The following GSAP variants were observed in gnomAD, a reference collection of about 807,000 sequenced individuals.
The protein encoded by GSAP is gamma-secretase activating protein.
In GSAP, 118 loss-of-function variants were observed where a neutral mutation model predicts 131.7. The observed-to-expected ratio is 0.90, with a 90% CI of 0.77 to 1.04. GSAP has a LOEUF of 1.04. Among genes scored for constraint, GSAP ranks in the 50% least tolerant of loss-of-function variants. The probability of loss-of-function intolerance (pLI) is 0.00; values close to 1 mark genes in which losing one functional copy is unlikely to be tolerated. For synonymous variants in GSAP, 381 were observed against 363.4 expected, an observed-to-expected ratio of 1.05 and a Z score of -0.55; for missense variants, 1,019 against 1,013.2, an observed-to-expected ratio of 1.01 and a Z score of -0.08.
At position 77,348,596 on chromosome 7, in the gene GSAP, G is replaced by A. The variant is rs146189057; in HGVS notation, c.1545+755C>T. On this transcript the variant is annotated intron_variant, in intron 19 of 30. Transcript: ENST00000257626. ...TGCTGCCAGAAGTTGAGATTTCCCA[G>A]TCTACCTCAAGCTATGATTAACAGG... Among the ~76,000 whole-genome samples, 18 of 152,296 alleles carry A rather than the reference G, an allele frequency of 1.2e-4. No individual in the cohort carries two copies. The East Asian group carries it at 2.9e-3, about 24-fold the overall frequency.
At chr7:77,377,232 T>A in intron 9 of GSAP, 54 bp downstream of exon 9, 1 of 1,068,212 alleles carries the variant, frequency 9.4e-7, no homozygotes, top group Non-Finnish European at 1.2e-6. Context: ...AAATTAATAT[T>A]TTTGTAAAAA....
At chr7:77,371,999 G>C (rs2064896139) in intron 12 of GSAP, among the ~76,000 whole-genome samples, 1 of 151,906 alleles carries the variant, frequency 6.6e-6, no homozygotes, top group Non-Finnish European at 1.5e-5. Flanking sequence ...CTAACAGTAG[G>C]ATATTCTGAC....
At chr7:77,359,175 T>C (rs779421056) in intron 14 of GSAP, among the ~76,000 whole-genome samples, 37 of 151,722 alleles carry the variant, frequency 2.4e-4, no homozygotes, top group Non-Finnish European at 4.6e-4. Context: ...CACTCCAGCC[T>C]GGGAGACAGA....
chr7:77,390,331 T>A (rs999317402), intron 5 of GSAP, among the ~76,000 whole-genome samples: 45 of 152,158 alleles, frequency 3.0e-4, no homozygotes, highest in Non-Finnish European at 5.7e-4. Context: ...GCCATTGCTT[T>A]TGGTGTTTTA....
At chr7:77,386,267 T>C (rs187856723) in intron 6 of GSAP, among the ~76,000 whole-genome samples, 2 of 152,352 alleles carry the variant, frequency 1.3e-5, no homozygotes, top group East Asian at 1.9e-4. Context: ...GTCCACTTTA[T>C]ACAATAAAAT....
intron 22 of GSAP, among the ~76,000 whole-genome samples, chr7:77,327,731 C>G (rs932626118): frequency 5.3e-5 from 8 of 152,104 alleles, no homozygotes; most frequent in Non-Finnish European, 7.4e-5. Flanking sequence ...CATTCCCCTC[C>G]CCTGGTTTCA....
chr7:77,367,199 G>C (rs1029060070), intron 12 of GSAP, among the ~76,000 whole-genome samples: 2 of 151,914 alleles, frequency 1.3e-5, no homozygotes, highest in Admixed American at 1.3e-4. Context: ...CTTCCTATTT[G>C]GGATGCTCTC....
intron 12 of GSAP, among the ~76,000 whole-genome samples, chr7:77,370,749 C>T (rs1795998528): frequency 6.6e-6 from 1 of 152,228 alleles, no homozygotes; most frequent in African/African-American, 2.4e-5. Context: ...TTCCCATATG[C>T]CACTTAACCC....
At chr7:77,377,026 A>G in intron 9 of GSAP, 119 bp from the exon 10 acceptor site, 1 of 679,888 alleles carries the variant, frequency 1.5e-6, no homozygotes, top group Non-Finnish European at 2.5e-6. Flanking sequence ...GAACTGCAGT[A>G]ATAATAATGT....
intron 19 of GSAP, among the ~76,000 whole-genome samples, chr7:77,339,963 C>T (rs1297867945): frequency 6.6e-6 from 1 of 152,144 alleles, no homozygotes; most frequent in African/African-American, 2.4e-5. Context: ...CCAAGCTAAG[C>T]TATCATATCC....
At chr7:77,371,446 T>C (rs1019480802) in intron 12 of GSAP, among the ~76,000 whole-genome samples, 18 of 151,364 alleles carry the variant, frequency 1.2e-4, no homozygotes, top group Admixed American at 5.3e-4. Context: ...TTTTTTTTTT[T>C]TTTTTTAAGA....
intron 26 of GSAP, among the ~76,000 whole-genome samples, chr7:77,318,547 A>G (rs965876132): frequency 6.6e-6 from 1 of 152,214 alleles, no homozygotes; most frequent in Non-Finnish European, 1.5e-5. Context: ...CTTTATATGC[A>G]ATAATAAATC....
intron 6 of GSAP, among the ~76,000 whole-genome samples, chr7:77,383,124 T>C (rs1041232006): frequency 6.6e-6 from 1 of 151,986 alleles, no homozygotes; most frequent in Non-Finnish European, 1.5e-5. Context: ...GAGGTTGAAG[T>C]TGGAGTGAGC....
intron 12 of GSAP, among the ~76,000 whole-genome samples, chr7:77,371,452 T>A (rs1201486572): frequency 3.4e-5 from 4 of 116,960 alleles, no homozygotes; most frequent in African/African-American, 1.1e-4. Flanking sequence ...TTTTTTTTTT[T>A]AAGACAGAGT....
intron 10 of GSAP, among the ~76,000 whole-genome samples, chr7:77,375,642 C>A (rs1796734536): frequency 6.6e-6 from 1 of 152,032 alleles, no homozygotes; most frequent in Non-Finnish European, 1.5e-5. Context: ...GCCAGAAGTT[C>A]AAGAACAGTC....
At position 77,312,203 on chromosome 7, in the gene GSAP, C is replaced by T. The variant is rs781136621; in HGVS notation, c.2272-1G>A. 4 of 1,547,234 alleles carry T rather than the reference C, an allele frequency of 2.6e-6. No individual in the cohort carries two copies. The highest frequency in any genetic ancestry group is 3.5e-6 in the Non-Finnish European group (4 of 1,138,404). On this transcript the variant is annotated splice_acceptor_variant, in intron 28 of 30. Transcript: ENST00000257626. LOFTEE classifies it high-confidence loss of function. ...GTCTACAAATCTTCTGCCCAATAAGCTATTATGCAAATTGAAAAAAATGTA... is the reference window on the plus strand; with the variant it reads ...GTCTACAAATCTTCTGCCCAATAAGTTATTATGCAAATTGAAAAAAATGTA...
chr7:77,341,456 C>A (rs1049662366), intron 19 of GSAP, among the ~76,000 whole-genome samples: 2 of 152,224 alleles, frequency 1.3e-5, no homozygotes, highest in South Asian at 2.1e-4. Flanking sequence ...TTTCATTCCA[C>A]GACTAGCCCT....
intron 12 of GSAP, among the ~76,000 whole-genome samples, chr7:77,363,038 C>T (rs567780324): frequency 7.3e-4 from 111 of 152,284 alleles, no homozygotes; most frequent in African/African-American, 2.5e-3. Context: ...GCTGTGAACA[C>T]CAGTTTATCA....
In GSAP at chr7:77,329,708, T is replaced by C. The variant is rs111798547; in HGVS notation, c.1675-317A>G. The C allele has an allele frequency of 6.2e-3, 1,141 of 182,674 alleles. 8 individuals carry two copies. The highest frequency in any genetic ancestry group is 9.9e-3 in the Non-Finnish European group (874 of 88,408). 11.3% of individuals were successfully genotyped at this position (182,674 alleles called of 1,614,324 possible). ...TATATCTTACCTAACTAGAGCACAA[T>C]ATCAAAATCAAAAATTGACATTGGC... On this transcript the variant is annotated intron_variant, in intron 20 of 30. Transcript: ENST00000257626.
Sources: gnomAD v4.1 joint callset for allele counts (sites outside exome capture counted in the v4.1 genomes callset) on GRCh38, gnomAD v4.1.1 for gene constraint, MANE v1.5 for transcripts, NCBI Gene and HGNC (gene_info 2026-07-23, HGNC 2026-07-21) for gene names.